CNTLN: variants seen among roughly 807,000 people sequenced by gnomAD.
CNTLN encodes the protein centlein, centrosomal protein.
CNTLN carries 212 observed loss-of-function variants against 180.0 expected under a neutral mutation model. The observed-to-expected ratio is 1.18, with a 90% CI of 1.05 to 1.32. The LOEUF is 1.32. Ranked by LOEUF, CNTLN falls within the 40% of genes most tolerant of loss-of-function variation. The pLI is 0.00. For missense variants in CNTLN, 2,095 were observed against 1,610.9 expected, an observed-to-expected ratio of 1.30 and a Z score of -5.14; for synonymous variants, 722 against 563.1, an observed-to-expected ratio of 1.28 and a Z score of -3.99.
intron 11 of CNTLN, 50 bp downstream of exon 11, chr9:17,340,998 G>C: frequency 6.5e-7 from 1 of 1,538,218 alleles, no homozygotes; most frequent in Non-Finnish European, 8.8e-7. Flanking sequence ...AAATGGAATG[G>C]AGTAGCATTA....
chr9:17,316,647 G>A (rs564992445), intron 8 of CNTLN, among the ~76,000 whole-genome samples: 111 of 152,166 alleles, frequency 7.3e-4, no homozygotes, highest in Non-Finnish European at 1.1e-3. Context: ...AGGGCTGTCT[G>A]TATTGGTAAG....
chr9:17,261,907 A>G (rs200788528), intron 5 of CNTLN, among the ~76,000 whole-genome samples: 2 of 151,484 alleles, frequency 1.3e-5, no homozygotes, highest in African/African-American at 4.9e-5. Flanking sequence ...ATCAAAAAGT[A>G]GGCGAAGGAC....
chr9:17,436,008 A>G (rs183141061), intron 18 of CNTLN, among the ~76,000 whole-genome samples: 1 of 152,120 alleles, frequency 6.6e-6, no homozygotes, highest in Non-Finnish European at 1.5e-5. Context: ...AAGAGAAACA[A>G]ATAAATGTAT....
chr9:17,266,671 C>CT (rs1444282342), intron 5 of CNTLN, among the ~76,000 whole-genome samples: 2 of 152,064 alleles, frequency 1.3e-5, no homozygotes, highest in African/African-American at 2.4e-5. Flanking sequence ...GTGTGGGAGT[C>CT]TAAGTCTCTT....
At chr9:17,468,585 C>T (rs1831881404) in intron 23 of CNTLN, among the ~76,000 whole-genome samples, 1 of 151,172 alleles carries the variant, frequency 6.6e-6, no homozygotes, top group South Asian at 2.1e-4. Flanking sequence ...ATTGTTTTTC[C>T]TTGAAACATT....
chr9:17,184,999 C>T (rs1391314923), intron 2 of CNTLN, among the ~76,000 whole-genome samples: 1 of 152,118 alleles, frequency 6.6e-6, no homozygotes, highest in African/African-American at 2.4e-5. Flanking sequence ...AAAGCTTTAG[C>T]CAATAACATT....
chr9:17,355,657 C>G (rs1219325393), intron 12 of CNTLN, among the ~76,000 whole-genome samples: 1 of 152,102 alleles, frequency 6.6e-6, no homozygotes, highest in Non-Finnish European at 1.5e-5. Flanking sequence ...CAGGTTGATA[C>G]TCAGTTATCC....
At chr9:17,268,832 C>T (rs1373555673) in intron 5 of CNTLN, among the ~76,000 whole-genome samples, 1 of 151,696 alleles carries the variant, frequency 6.6e-6, no homozygotes, top group African/African-American at 2.4e-5. Flanking sequence ...GGCGTAGGAC[C>T]CTCTGAGCCA....
intron 2 of CNTLN, chr9:17,166,897 A>G: frequency 2.2e-6 from 1 of 461,850 alleles, no homozygotes; most frequent in South Asian, 1.6e-5. Flanking sequence ...AAAATGTGAG[A>G]TCCAACACAT....
chr9:17,354,270 C>T (rs112178182), intron 12 of CNTLN, among the ~76,000 whole-genome samples: 4 of 152,216 alleles, frequency 2.6e-5, no homozygotes, highest in African/African-American at 9.6e-5. Context: ...GCACCACCCC[C>T]TGCTCCAGGG....
chr9:17,210,544 A>C (rs1345786967), intron 2 of CNTLN, among the ~76,000 whole-genome samples: 1 of 152,182 alleles, frequency 6.6e-6, no homozygotes, highest in Non-Finnish European at 1.5e-5. Flanking sequence ...GTGTCTTTAT[A>C]GTAGAATGAT....
rs1417258441 is a variant in CNTLN, at chr9:17,495,040, A to T, written c.4120-7511A>T. On this transcript the variant is annotated intron_variant, in intron 25 of 25. Transcript: ENST00000380647. ...ACTACAGGTGCGTGCCACCATGCCC[A>T]GCTAATTTTTTTTATCTTTTGCAGA... is the stretch of plus-strand genomic sequence containing the variant. 2.0e-5 allele frequency: 8 copies of T among 391,982 alleles called. No individual in the cohort carries two copies. In the East Asian group the frequency reaches 6.0e-4, roughly 30 times the overall value. 24.3% of individuals were successfully genotyped at this position (391,982 alleles called of 1,614,324 possible).
Position 17,366,665 on chromosome 9 carries a change from T to C in CNTLN, c.1935T>C (p.Ile645=). The C allele has an allele frequency of 6.3e-7, 1 of 1,590,798 alleles. No homozygotes were observed. Among genetic ancestry groups the C allele is most frequent in the Non-Finnish European group, 8.6e-7 (1 of 1,165,096 alleles). ...ELDELKVHIS[I]DKAAIQELNR... ...ATGAACTTAAAGTACATATATCTATTGATAAGGCAGCAATACAAGAATTGA... is the reference window on the plus strand; with the variant it reads ...ATGAACTTAAAGTACATATATCTATCGATAAGGCAGCAATACAAGAATTGA... Residue 645 remains isoleucine, a synonymous_variant, in exon 13 of 26, where the codon ATT becomes ATC. Coordinates refer to ENST00000380647, the MANE Select transcript of CNTLN (RefSeq NM_017738.4).
chr9:17,291,084 G>C (rs371819153), intron 6 of CNTLN, among the ~76,000 whole-genome samples: 1 of 152,164 alleles, frequency 6.6e-6, no homozygotes, highest in East Asian at 1.9e-4. Flanking sequence ...TCAGGAGCAG[G>C]TTGTTCAGTT....
intron 16 of CNTLN, among the ~76,000 whole-genome samples, chr9:17,415,099 A>G (rs2133879996): frequency 6.6e-6 from 1 of 152,250 alleles, no homozygotes; most frequent in South Asian, 2.1e-4. Flanking sequence ...AGAAAAAAAA[A>G]AAAATCTTAA....
chr9:17,384,492 C>T (rs1385589567), intron 13 of CNTLN, among the ~76,000 whole-genome samples: 2 of 152,048 alleles, frequency 1.3e-5, no homozygotes, highest in African/African-American at 2.4e-5. Flanking sequence ...TCTGGGTCTC[C>T]AGAAAGAGGT....
intron 2 of CNTLN, among the ~76,000 whole-genome samples, chr9:17,170,372 CCTTT>C (rs1213243950): frequency 9.9e-5 from 15 of 151,812 alleles, no homozygotes; most frequent in Non-Finnish European, 1.8e-4. Context: ...ATTTGGATGG[CCTTT>C]CTTTCTTTTT....
downstream of CNTLN, among the ~76,000 whole-genome samples, chr9:17,506,491 T>C (rs953689457): frequency 2.2e-4 from 34 of 152,206 alleles, no homozygotes; most frequent in African/African-American, 7.5e-4. Context: ...TAAGTGAAAG[T>C]TGTCATGTTT....
At chr9:17,430,312 T>G (rs1381061629) in intron 18 of CNTLN, among the ~76,000 whole-genome samples, 1 of 152,004 alleles carries the variant, frequency 6.6e-6, no homozygotes, top group Non-Finnish European at 1.5e-5. Flanking sequence ...TGTCACCCAT[T>G]AGTAATTAAT....
Sources: allele counts gnomAD v4.1 joint callset (sites outside exome capture counted in the v4.1 genomes callset), GRCh38; gene constraint gnomAD v4.1.1; transcripts MANE v1.5; gene names NCBI Gene and HGNC (gene_info 2026-07-23, HGNC 2026-07-21).